The following FNDC3B variants were observed in gnomAD, a reference collection of about 807,000 sequenced individuals.
The protein encoded by FNDC3B is fibronectin type III domain containing 3B, also known as fibronectin type III domain-containing protein 3B.
Under a neutral mutation model 151.5 loss-of-function variants are expected in FNDC3B, and 12 were observed. The ratio of observed to expected loss-of-function variants is 0.08; its 90% CI spans 0.05 to 0.13. The LOEUF (loss-of-function observed/expected upper bound fraction) is 0.13, where lower values mean the gene tolerates loss of function less well. Ranked by LOEUF, FNDC3B falls within the 10% of genes least tolerant of loss-of-function variation. FNDC3B has a pLI of 1.00. For missense variants in FNDC3B, 1,214 were observed against 1,505.3 expected, an observed-to-expected ratio of 0.81 and a Z score of 3.20; for synonymous variants, 528 against 549.0, an observed-to-expected ratio of 0.96 and a Z score of 0.54.
intron 2 of FNDC3B, among the ~76,000 whole-genome samples, chr3:172,120,803 C>T (rs962116716): frequency 3.9e-5 from 6 of 151,980 alleles, no homozygotes; most frequent in African/African-American, 7.3e-5. Flanking sequence ...GGTGAAACCC[C>T]GTCTCTACCA....
At chr3:172,258,060 G>A (rs1031799141) in intron 6 of FNDC3B, among the ~76,000 whole-genome samples, 4 of 152,160 alleles carry the variant, frequency 2.6e-5, no homozygotes, top group Non-Finnish European at 5.9e-5. Flanking sequence ...AGTTCCTTTT[G>A]TGTGACTAAC....
intron 3 of FNDC3B, among the ~76,000 whole-genome samples, chr3:172,213,060 C>A (rs974066786): frequency 6.6e-6 from 1 of 151,984 alleles, no homozygotes; most frequent in Admixed American, 6.5e-5. Context: ...CTTCCTTTTT[C>A]TTTTTCTTCC....
chr3:172,211,817 A>G (rs2108713176), intron 3 of FNDC3B, among the ~76,000 whole-genome samples: 1 of 152,384 alleles, frequency 6.6e-6, no homozygotes, highest in Middle Eastern at 3.4e-3. Flanking sequence ...GCTACTTGTT[A>G]GAAATTTTGT....
chr3:172,320,252 C>T (rs1732015395), intron 11 of FNDC3B, among the ~76,000 whole-genome samples: 1 of 152,054 alleles, frequency 6.6e-6, no homozygotes, highest in Non-Finnish European at 1.5e-5. Context: ...TGGTGGCGCA[C>T]TCCTGTAATC....
chr3:172,349,914 G>A (rs959481745), intron 21 of FNDC3B, among the ~76,000 whole-genome samples: 5 of 152,002 alleles, frequency 3.3e-5, no homozygotes, highest in African/African-American at 4.8e-5. Context: ...CCTCAGCCTC[G>A]CAAAGTGCTG....
chr3:172,381,523 A>T (rs1444377680), intron 25 of FNDC3B, among the ~76,000 whole-genome samples: 1 of 150,828 alleles, frequency 6.6e-6, no homozygotes, highest in Non-Finnish European at 1.5e-5. Context: ...TAGAATATGC[A>T]GGTTTGTTAC....
chr3:172,105,092 T>C (rs575532977), intron 1 of FNDC3B, among the ~76,000 whole-genome samples: 1 of 152,304 alleles, frequency 6.6e-6, no homozygotes, highest in African/African-American at 2.4e-5. Flanking sequence ...TTGCTCTCTC[T>C]CTTTCCCTCT....
intron 3 of FNDC3B, among the ~76,000 whole-genome samples, chr3:172,175,819 A>T (rs1273186986): frequency 6.6e-6 from 1 of 152,068 alleles, no homozygotes; most frequent in African/African-American, 2.4e-5. Flanking sequence ...TTTCCTGGGG[A>T]GGGGATCACA....
rs541235861 is a variant in FNDC3B at position 172,389,504 on chromosome 3, A to T, written c.3304-7660A>T. Among the ~76,000 whole-genome samples the T allele has an allele frequency of 2.0e-5, 3 of 152,356 alleles. No individual in the cohort carries two copies. The East Asian group carries it at 5.8e-4, about 29-fold the overall frequency. ...AAAGTTTTAATATTTGGATCACTTT[A>T]AAAACTATTAGAACGTATTAGAAAA... On this transcript the variant is annotated intron_variant, in intron 25 of 25. Coordinates refer to ENST00000415807, the MANE Select transcript of FNDC3B (RefSeq NM_022763.4).
intron 1 of FNDC3B, among the ~76,000 whole-genome samples, chr3:172,045,792 C>CTA (rs1373626019): frequency 2.8e-4 from 38 of 136,768 alleles, no homozygotes; most frequent in East Asian, 1.1e-3. Context: ...CTCTCTCTCT[C>CTA]TCTATATATA....
chr3:172,245,577 A>G (rs539149353), intron 4 of FNDC3B, among the ~76,000 whole-genome samples: 78 of 152,278 alleles, frequency 5.1e-4, no homozygotes, highest in African/African-American at 1.8e-3. Flanking sequence ...TACATGTGCT[A>G]TTTATATACA....
At chr3:172,135,657 A>G (rs1003314187) in intron 3 of FNDC3B, among the ~76,000 whole-genome samples, 7 of 152,154 alleles carry the variant, frequency 4.6e-5, no homozygotes, top group African/African-American at 1.4e-4. Context: ...TAGGACCTGG[A>G]TCCAGGTGCT....
chr3:172,309,216 T>C (rs1473264553), intron 10 of FNDC3B, among the ~76,000 whole-genome samples: 1 of 152,162 alleles, frequency 6.6e-6, no homozygotes, highest in African/African-American at 2.4e-5. Context: ...GTGCTCCAGG[T>C]GGGGGCACAA....
At chr3:172,142,357 C>G (rs1037548450) in intron 3 of FNDC3B, among the ~76,000 whole-genome samples, 1 of 152,216 alleles carries the variant, frequency 6.6e-6, no homozygotes, top group African/African-American at 2.4e-5. Flanking sequence ...TATGCAATCG[C>G]AGTTTAACTC....
intron 1 of FNDC3B, among the ~76,000 whole-genome samples, chr3:172,090,433 C>T: frequency 6.6e-6 from 1 of 151,724 alleles, no homozygotes; most frequent in East Asian, 1.9e-4. Flanking sequence ...AATAAACAAA[C>T]AAACAAACAA....
At chr3:172,267,786 C>T (rs1051316165) in intron 6 of FNDC3B, among the ~76,000 whole-genome samples, 1 of 152,138 alleles carries the variant, frequency 6.6e-6, no homozygotes, top group African/African-American at 2.4e-5. Flanking sequence ...TTTAATGAAT[C>T]TTATGTCCCG....
In FNDC3B at chr3:172,084,904, TGTAAACTTAATGAGAAC is replaced by T. The variant is rs1380233830; in HGVS notation, c.-28-27547_-28-27531del. Among the ~76,000 whole-genome samples the T allele has an allele frequency of 5.9e-5, 9 of 152,258 alleles. No homozygotes were observed. In the East Asian group the frequency reaches 1.7e-3, roughly 29 times the overall value. The stretch of plus-strand genomic sequence containing the variant: ...CATTGTTTCTTTCCCCTTACGAGAA[TGTAAACTTAATGAGAAC>T]AAGAATTTTTGCCTTTCTTTTTTTG... On this transcript the variant is annotated intron_variant, in intron 1 of 25. Coordinates refer to ENST00000415807, the MANE Select transcript of FNDC3B (RefSeq NM_022763.4).
intron 4 of FNDC3B, among the ~76,000 whole-genome samples, chr3:172,243,888 A>G (rs1469035728): frequency 6.6e-6 from 1 of 152,246 alleles, no homozygotes; most frequent in Non-Finnish European, 1.5e-5. Flanking sequence ...AAGTCAGCCC[A>G]TGATAGGTGA....
chr3:172,214,011 C>T (rs1388418476), intron 3 of FNDC3B, among the ~76,000 whole-genome samples: 3 of 2,506 alleles, frequency 1.2e-3, no homozygotes, highest in Non-Finnish European at 3.8e-3. Context: ...TATGGTGCCG[C>T]GCCATAAAGC....
Sources: gnomAD v4.1 joint callset for allele counts (sites outside exome capture counted in the v4.1 genomes callset) on GRCh38, gnomAD v4.1.1 for gene constraint, MANE v1.5 for transcripts, NCBI Gene and HGNC (gene_info 2026-07-23, HGNC 2026-07-21) for gene names.